CAPN2: variants seen among roughly 807,000 people sequenced by gnomAD.
The protein encoded by CAPN2 is calpain 2.
Under a neutral mutation model 102.3 loss-of-function variants are expected in CAPN2, and 92 were observed. That is an observed-to-expected ratio of 0.90 (90% CI 0.76 to 1.07). CAPN2 has a LOEUF of 1.07. CAPN2 is among the 50% of genes least tolerant of loss of function. CAPN2 has a pLI of 0.00. For synonymous variants in CAPN2, 340 were observed against 355.4 expected (o/e 0.96, Z 0.49); for missense variants, 800 against 909.4 (o/e 0.88, Z 1.55).
At chr1:223,770,344 C>A in intron 17 of CAPN2, 103 bp from the exon 18 acceptor site, 1 of 711,990 alleles carries the variant, frequency 1.4e-6, no homozygotes, top group Admixed American at 2.4e-5. Flanking sequence ...AAACTAGAGG[C>A]ACAGAGCTGG....
chr1:223,747,099 T>G lies in CAPN2; in HGVS notation c.663T>G (p.Pro221=). The change falls in exon 5 of 21, where the codon CCT becomes CCG. Residue 221 remains proline (P), a synonymous_variant. Coordinates refer to ENST00000295006, the MANE Select transcript of CAPN2 (RefSeq NM_001748.5). ...IAEWYELKKP[P]PNLFKIIQKA... ...AGTGGTATGAGTTGAAGAAGCCCCC[T>G]CCCAACCTGTTCAAGATCATCCAGA... is the stretch of plus-strand genomic sequence containing the variant. 1 of 1,614,054 alleles carries G rather than the reference T, an allele frequency of 6.2e-7. No individual in the cohort carries two copies. Among genetic ancestry groups the G allele is most frequent in the East Asian group, 2.2e-5 (1 of 44,870 alleles).
chr1:223,745,251 A>C, intron 3 of CAPN2, 55 bp from the exon 4 acceptor site: 2 of 1,610,846 alleles, frequency 1.2e-6, no homozygotes, highest in Non-Finnish European at 1.7e-6. Flanking sequence ...GCTGAGGCTC[A>C]GAGTCCCAGT....
At chr1:223,714,538 G>A (rs576492009) in intron 1 of CAPN2, among the ~76,000 whole-genome samples, 1 of 151,754 alleles carries the variant, frequency 6.6e-6, no homozygotes, top group African/African-American at 2.4e-5. Context: ...CAGCACTATG[G>A]GAGGCCAAGG....
At chr1:223,750,379 G>A (rs1326113181) in intron 6 of CAPN2, among the ~76,000 whole-genome samples, 1 of 152,046 alleles carries the variant, frequency 6.6e-6, no homozygotes, top group East Asian at 1.9e-4. Context: ...TTCCTCTACT[G>A]TTGCCACACC....
intron 16 of CAPN2, among the ~76,000 whole-genome samples, chr1:223,767,236 T>C (rs906174928): frequency 1.3e-5 from 2 of 152,108 alleles, no homozygotes; most frequent in Non-Finnish European, 2.9e-5. Context: ...ATGTGCACAA[T>C]GTGCAGGTTA....
In CAPN2 at chr1:223,761,624, G is replaced by A. The variant is rs758634971; in HGVS notation, c.1566+7G>A. 2 of 1,607,444 alleles carry A rather than the reference G, an allele frequency of 1.2e-6. No individual in the cohort carries two copies. The highest frequency in any genetic ancestry group is 1.7e-6 in the Non-Finnish European group (2 of 1,174,374). On this transcript the variant is annotated splice_region_variant and intron_variant, in intron 13 of 20. Transcript: ENST00000295006. The stretch of plus-strand genomic sequence containing the variant: ...CGAGGCCAATCTTGAAGAGGTATTT[G>A]TAACTCTTTGAATTTCACCCACTCT...
chr1:223,748,149 C>T (rs1571804453), intron 5 of CAPN2, among the ~76,000 whole-genome samples: 1 of 152,152 alleles, frequency 6.6e-6, no homozygotes, highest in East Asian at 1.9e-4. Flanking sequence ...TGGGAGACTT[C>T]GGAAGGAAGA....
At chr1:223,719,801 T>TGCGC (rs1301320177) in intron 2 of CAPN2, among the ~76,000 whole-genome samples, 1 of 111,928 alleles carries the variant, frequency 8.9e-6, no homozygotes, top group African/African-American at 3.3e-5. Flanking sequence ...CTCAGGGGTG[T>TGCGC]GTGCGTGTGT....
chr1:223,774,874 C>A lies in CAPN2; in HGVS notation c.*17C>A. 1 of 1,609,150 alleles carries A rather than the reference C, an allele frequency of 6.2e-7. No individual in the cohort carries two copies. Among genetic ancestry groups the A allele is most frequent in the Non-Finnish European group, 8.5e-7 (1 of 1,176,218 alleles). ...GTACTTTGAAGTTATAACTAATCTG[C>A]CTGAAGACTTCTCATGATGGAAAAT... On this transcript the variant is annotated 3_prime_UTR_variant, in exon 21 of 21. Transcript: ENST00000295006.
chr1:223,749,449 T>G (rs1350584708), intron 6 of CAPN2: 1 of 429,682 alleles, frequency 2.3e-6, no homozygotes, highest in Non-Finnish European at 4.2e-6. Context: ...TCATAGTGTT[T>G]TATACTCTAT....
chr1:223,737,026 G>A (rs1490820103), intron 2 of CAPN2, among the ~76,000 whole-genome samples: 5 of 152,106 alleles, frequency 3.3e-5, no homozygotes, highest in East Asian at 1.9e-4. Flanking sequence ...GTGACAGAGT[G>A]AGAACCTGTC....
At chr1:223,723,764 C>T (rs779442245) in intron 2 of CAPN2, among the ~76,000 whole-genome samples, 10 of 151,788 alleles carry the variant, frequency 6.6e-5, no homozygotes, top group Non-Finnish European at 1.2e-4. Context: ...ATGGTACCCA[C>T]GGTCTCCAGC....
chr1:223,712,394 G>T (rs544028446), upstream of CAPN2: 110 of 1,023,266 alleles, frequency 1.1e-4, no homozygotes, highest in African/African-American at 1.8e-3. Flanking sequence ...CCGGCCCCGG[G>T]TCGCGGCGTT....
At chr1:223,757,428 G>A (rs746082952) in intron 11 of CAPN2, 48 bp downstream of exon 11, 4 of 1,611,418 alleles carry the variant, frequency 2.5e-6, no homozygotes, top group South Asian at 1.1e-5. Context: ...AAAAAAGCGA[G>A]AGGCTTAGAC....
At chr1:223,772,017 C>T (rs1413376404) in intron 19 of CAPN2, 92 bp downstream of exon 19, 1 of 1,120,148 alleles carries the variant, frequency 8.9e-7, no homozygotes, top group Non-Finnish European at 1.4e-6. Context: ...AAACTAGAGA[C>T]ATGTCTTCCA....
rs28370143 is a variant in CAPN2 at position 223,765,542 on chromosome 1, C to T, written c.1691-825C>T. On this transcript the variant is annotated intron_variant, in intron 15 of 20. Transcript: ENST00000295006. The stretch of plus-strand genomic sequence containing the variant: ...GTGGGGCTGGGAGGTGGGGAAGAAG[C>T]GGGCCTTGCCTGGATTCAGCCCGCT... Among the ~76,000 whole-genome samples the T allele has an allele frequency of 7.5e-3, 1,139 of 152,314 alleles. 4 individuals carry two copies. The highest frequency in any genetic ancestry group is 0.014 in the Middle Eastern group (4 of 294).
rs1292702234 is a variant in CAPN2, at chr1:223,712,565, T to TGGCCGCGCCCC, written c.-75_-65dup. On this transcript the variant is annotated 5_prime_UTR_variant, in exon 1 of 21. Transcript: ENST00000295006. ...GTGGCCGCAGCAGCGCGCCGGGCCC[T>TGGCCGCGCCCC]GGCCGCGCCCCAGCCGAGCGCAGCG... is the stretch of plus-strand genomic sequence containing the variant. 15 of 1,343,764 alleles carry TGGCCGCGCCCC rather than the reference T, an allele frequency of 1.1e-5. No individual in the cohort carries two copies. Among genetic ancestry groups the TGGCCGCGCCCC allele is most frequent in the South Asian group, 3.9e-5 (2 of 51,550 alleles). The allele number at this position is 1,343,764 out of a possible 1,614,324, so 83.2% of individuals were successfully genotyped here.
rs146846794 is a variant in CAPN2 at position 223,735,121 on chromosome 1, G to A, written c.308-8979G>A. Reference sequence around the variant, plus strand: ...TCTCACGTGATCCTAACAACCTGCCGAGGATACACCTCATCATGATCCTCC... The same window carrying A: ...TCTCACGTGATCCTAACAACCTGCCAAGGATACACCTCATCATGATCCTCC... On this transcript the variant is annotated intron_variant, in intron 2 of 20. Coordinates refer to ENST00000295006, the MANE Select transcript of CAPN2 (RefSeq NM_001748.5). 4.9e-3 allele frequency among the ~76,000 whole-genome samples: 739 copies of A among 152,238 alleles called. 8 individuals are homozygous for A. The highest frequency in any genetic ancestry group is 0.017 in the African/African-American group (695 of 41,544).
rs368336554 is a variant in CAPN2, at chr1:223,744,010, G to A, written c.308-90G>A. The A allele has an allele frequency of 1.5e-4, 127 of 861,160 alleles. 2 individuals carry two copies. The highest frequency in any genetic ancestry group is 7.6e-4 in the Admixed American group (42 of 55,616). 53.3% of individuals were successfully genotyped at this position (861,160 alleles called of 1,614,324 possible). ...TCTGTCTATTCACAGGTTGTCTTAG[G>A]CTTTAAGCCCCTGGAGGTGGAGACA... On this transcript the variant is annotated intron_variant, in intron 2 of 20. Coordinates refer to ENST00000295006, the MANE Select transcript of CAPN2 (RefSeq NM_001748.5).
Sources: gnomAD v4.1 joint callset for allele counts (sites outside exome capture counted in the v4.1 genomes callset) on GRCh38, gnomAD v4.1.1 for gene constraint, MANE v1.5 for transcripts, NCBI Gene and HGNC (gene_info 2026-07-23, HGNC 2026-07-21) for gene names.